MEI1: variants seen among roughly 807,000 people sequenced by gnomAD.
MEI1 encodes the protein meiosis inhibitor protein 1.
Under a neutral mutation model 146.2 loss-of-function variants are expected in MEI1, and 103 were observed. That is an observed-to-expected ratio of 0.70 (90% CI 0.60 to 0.83). The LOEUF (loss-of-function observed/expected upper bound fraction) is 0.83, where lower values mean the gene tolerates loss of function less well. MEI1 is among the 40% of genes least tolerant of loss of function. The pLI is 0.00. For synonymous variants in MEI1, 652 were observed against 628.2 expected (o/e 1.04, Z -0.57); for missense variants, 1,529 against 1,533.0 (o/e 1.00, Z 0.04).
rs1286941272 is a variant in MEI1 at position 41,745,908 on chromosome 22, A to C, written c.1562A>C (p.Glu521Ala). The C allele has an allele frequency of 3.7e-6, 6 of 1,611,162 alleles. No individual in the cohort carries two copies. Among genetic ancestry groups the C allele is most frequent in the Non-Finnish European group, 5.1e-6 (6 of 1,177,994 alleles). The change falls in exon 14 of 31, where the codon GAG becomes GCG. Residue 521 changes from glutamate (E) to alanine (A), a missense_variant. By Grantham distance (107) the Glu-to-Ala change is moderately radical. Around this residue, in one of 3 missense-constraint regions of MEI1, gnomAD observed 1,212 missense variants for 1,178.9 expected, o/e 1.03. Coordinates refer to ENST00000401548, the MANE Select transcript of MEI1 (RefSeq NM_152513.4). ...AGGTTGGCTATAGAATTCCAGAGTG[A>C]GCCTTCAGCCCAGGAGAATCCATTC... ...ACRLAIEFQS[E>A]PSAQENPFTA...
Position 41,703,400 on chromosome 22 carries a change from C to G in MEI1, c.244C>G (p.Gln82Glu). 6.2e-7 allele frequency: 1 copy of G among 1,609,906 alleles called. No homozygotes were observed. The highest frequency in any genetic ancestry group is 8.5e-7 in the Non-Finnish European group (1 of 1,178,002). The change falls in exon 2 of 31, where the codon CAA (glutamine) becomes GAA (glutamate). Residue 82 changes from glutamine to glutamate, a missense_variant. This residue lies in a region of MEI1 where 1,212 missense variants were observed against 1,178.9 expected (regional missense o/e 1.03). Coordinates refer to ENST00000401548, the MANE Select transcript of MEI1 (RefSeq NM_152513.4). Reference sequence around the variant, plus strand: ...TGTGAGGCATACCTCCCTGGTCACGCAACTGGTGTCTCAGGATCAGAGAGT... The same window carrying G: ...TGTGAGGCATACCTCCCTGGTCACGGAACTGGTGTCTCAGGATCAGAGAGT... ...ALVRHTSLVT[Q>E]LVSQDQRVCI...
At chr22:41,784,203 T>G (rs2075866613) in intron 24 of MEI1, 136 bp from the exon 25 acceptor site, 5 of 713,234 alleles carry the variant, frequency 7.0e-6, no homozygotes, top group Non-Finnish European at 1.2e-5. Context: ...CTTGGAGGAC[T>G]CTGTGTGGCC....
At chr22:41,722,467 A>ATTTTTT (rs749033326) in intron 6 of MEI1, among the ~76,000 whole-genome samples, 4 of 127,644 alleles carry the variant, frequency 3.1e-5, no homozygotes, top group Non-Finnish European at 4.9e-5. Context: ...CAGCATTTTA[A>ATTTTTT]TTTTTTTTTT....
intron 19 of MEI1, 72 bp from the exon 20 acceptor site, chr22:41,770,614 C>T: frequency 7.0e-7 from 1 of 1,431,774 alleles, no homozygotes. Flanking sequence ...TCCTAGTCAT[C>T]TCTTGGCCAT....
chr22:41,777,844 C>A (rs575369637), intron 21 of MEI1, among the ~76,000 whole-genome samples: 29 of 151,618 alleles, frequency 1.9e-4, no homozygotes, highest in African/African-American at 6.5e-4. Context: ...TTCCTTCATT[C>A]CTTCCCTGCT....
intron 26 of MEI1, 92 bp downstream of exon 26, chr22:41,784,875 T>C (rs901903999): frequency 3.3e-5 from 28 of 843,412 alleles, no homozygotes; most frequent in Middle Eastern, 7.6e-4. Context: ...CTACCAGGGC[T>C]TGGAGGGTGG....
chr22:41,781,838 G>C lies in MEI1; in HGVS notation c.3080G>C (p.Ser1027Thr). 6.2e-7 allele frequency: 1 copy of C among 1,613,954 alleles called. No individual in the cohort carries two copies. Among genetic ancestry groups the C allele is most frequent in the Non-Finnish European group, 8.5e-7 (1 of 1,179,876 alleles). ...ASFSAQQHKG[S>T]LQVHQTLSVE... ...TTCTCTGCCCAGCAGCACAAGGGCA[G>C]TTTGCAGGTTAGTCTTTAACTCCTG... The change falls in exon 24 of 31, where the codon AGT becomes ACT. Residue 1027 changes from serine to threonine, a missense_variant. By Grantham distance (58) the Ser-to-Thr change is moderately conservative (BLOSUM62 1). Coordinates refer to ENST00000401548, the MANE Select transcript of MEI1 (RefSeq NM_152513.4).
In MEI1 at chr22:41,699,610, C is replaced by A. The variant is rs768600515; in HGVS notation, c.72C>A (p.Phe24Leu). Residue 24 changes from phenylalanine to leucine, a missense_variant, in exon 1 of 31, where the codon TTC becomes TTA. Coordinates refer to ENST00000401548, the MANE Select transcript of MEI1 (RefSeq NM_152513.4). ...PRREEEAALL[F>L]ERAHYRHDPR... ...GAGAGGAAGAGGCGGCGCTTCTATT[C>A]GAGAGGGCCCATTACCGGCACGACC... 3.7e-6 allele frequency: 6 copies of A among 1,612,254 alleles called. No homozygotes were observed. The Admixed American group carries it at 1.0e-4, about 27-fold the overall frequency.
intron 20 of MEI1, among the ~76,000 whole-genome samples, chr22:41,775,036 A>G (rs1043393368): frequency 6.6e-6 from 1 of 152,202 alleles, no homozygotes; most frequent in African/African-American, 2.4e-5. Flanking sequence ...CATAACCCTC[A>G]GTCCTAACTG....
In MEI1 at chr22:41,785,612, G is replaced by A. The variant is rs1439224979; in HGVS notation, c.3345+829G>A. Among the ~76,000 whole-genome samples, 4 of 151,204 alleles carry A rather than the reference G, an allele frequency of 2.6e-5. No individual in the cohort carries two copies. The East Asian group carries it at 7.8e-4, about 30-fold the overall frequency. ...GAGTTTGGCTCTTGTTGCCCAGGCT[G>A]GAGTGCAATGGTGCAATCTTGGCTC... On this transcript the variant is annotated intron_variant, in intron 26 of 30. Coordinates refer to ENST00000401548, the MANE Select transcript of MEI1 (RefSeq NM_152513.4).
chr22:41,785,906 T>TA (rs139547), intron 26 of MEI1, among the ~76,000 whole-genome samples: 14,144 of 126,986 alleles, frequency 0.11, 1,848 homozygotes, highest in Admixed American at 0.26. Flanking sequence ...TTTTTTTATT[T>TA]TTTATTTTAT....
intron 12 of MEI1, 86 bp downstream of exon 12, chr22:41,743,280 A>G: frequency 1.2e-5 from 11 of 898,090 alleles, no homozygotes; most frequent in Non-Finnish European, 1.8e-5. Context: ...TTACTTTTGT[A>G]TGCTATTTCA....
At chr22:41,711,854 C>T (rs949696831) in intron 3 of MEI1, among the ~76,000 whole-genome samples, 4 of 150,764 alleles carry the variant, frequency 2.7e-5, no homozygotes, top group Non-Finnish European at 3.0e-5. Flanking sequence ...GCCTATAATT[C>T]TTTTTTTTTA....
chr22:41,768,529 G>A (rs2074992993), intron 19 of MEI1, among the ~76,000 whole-genome samples: 1 of 152,114 alleles, frequency 6.6e-6, no homozygotes, highest in Non-Finnish European at 1.5e-5. Context: ...AGAACTACCA[G>A]AGACTGAGTA....
intron 6 of MEI1, among the ~76,000 whole-genome samples, chr22:41,721,165 G>A (rs770379334): frequency 5.4e-5 from 8 of 147,914 alleles, no homozygotes; most frequent in Non-Finnish European, 8.9e-5. Flanking sequence ...CGCCCATCTC[G>A]GCCTCCCCAG....
At chr22:41,744,246 C>T (rs1425245901) in intron 12 of MEI1, among the ~76,000 whole-genome samples, 1 of 152,092 alleles carries the variant, frequency 6.6e-6, no homozygotes. Context: ...TTTTGGCTCA[C>T]TGCAACCTTC....
intron 11 of MEI1, among the ~76,000 whole-genome samples, chr22:41,741,816 C>T (rs888588796): frequency 4.0e-5 from 6 of 151,870 alleles, no homozygotes; most frequent in African/African-American, 1.2e-4. Context: ...TGGTGGCGTG[C>T]GCCTGTAGTC....
intron 3 of MEI1, among the ~76,000 whole-genome samples, chr22:41,712,200 G>C (rs1171443161): frequency 9.5e-4 from 1 of 1,054 alleles, no homozygotes; most frequent in Non-Finnish European, 1.8e-3. Context: ...GTAAAACTCC[G>C]GCTCAAAAAA....
intron 22 of MEI1, among the ~76,000 whole-genome samples, chr22:41,779,073 C>T (rs1051105303): frequency 6.6e-6 from 1 of 152,020 alleles, no homozygotes; most frequent in Non-Finnish European, 1.5e-5. Flanking sequence ...GCCTGTAATC[C>T]CAGCACTTTG....
Sources: allele counts gnomAD v4.1 joint callset (sites outside exome capture counted in the v4.1 genomes callset), GRCh38; gene constraint gnomAD v4.1.1; regional missense constraint gnomAD v4.1.1; transcripts MANE v1.5; gene names NCBI Gene and HGNC (gene_info 2026-07-23, HGNC 2026-07-21).